Variants in NPTN observed in about 807,000 individuals in gnomAD.
NPTN encodes neuroplastin.
A neutral mutation model predicts 42.7 loss-of-function variants in NPTN; 5 were observed. That is an observed-to-expected ratio of 0.12 (90% CI 0.06 to 0.25). The LOEUF (loss-of-function observed/expected upper bound fraction) is 0.25, where lower values mean the gene tolerates loss of function less well. NPTN is among the 10% of genes least tolerant of loss of function. The probability of loss-of-function intolerance (pLI) is 1.00; values close to 1 mark genes in which losing one functional copy is unlikely to be tolerated. For synonymous variants in NPTN, 180 were observed against 201.9 expected (o/e 0.89, Z 0.92); for missense variants, 307 against 525.4 (o/e 0.58, Z 4.06).
At chr15:73,577,163 A>G (rs1895743109) in intron 4 of NPTN, among the ~76,000 whole-genome samples, 1 of 152,200 alleles carries the variant, frequency 6.6e-6, no homozygotes, top group Admixed American at 6.5e-5. Context: ...GTAAAACTAT[A>G]GATGAGAGTA....
At chr15:73,563,012 T>C (rs1451942814) in intron 7 of NPTN, among the ~76,000 whole-genome samples, 2 of 152,098 alleles carry the variant, frequency 1.3e-5, no homozygotes, top group East Asian at 3.9e-4. Context: ...GTTTTTTGCA[T>C]GGTATTCCAC....
At chr15:73,630,743 T>C (rs536632490) in intron 1 of NPTN, among the ~76,000 whole-genome samples, 1 of 152,252 alleles carries the variant, frequency 6.6e-6, no homozygotes, top group African/African-American at 2.4e-5. Flanking sequence ...TTCAACATCA[T>C]GCACAAGCAA....
chr15:73,631,435 G>A (rs1311485674), intron 1 of NPTN, among the ~76,000 whole-genome samples: 1 of 152,166 alleles, frequency 6.6e-6, no homozygotes, highest in Admixed American at 6.5e-5. Context: ...CCTGACCCCT[G>A]CAGTGATATC....
intron 6 of NPTN, chr15:73,568,495 A>G: frequency 1.0e-6 from 1 of 985,376 alleles, no homozygotes. Flanking sequence ...AGCTGAAAAC[A>G]CACGAAAGAC....
intron 4 of NPTN, among the ~76,000 whole-genome samples, chr15:73,584,967 T>C: frequency 6.6e-6 from 1 of 152,142 alleles, no homozygotes; most frequent in East Asian, 1.9e-4. Flanking sequence ...TTTTCTTTTG[T>C]AGACCACAGA....
At chr15:73,563,003 T>G (rs1331096498) in intron 7 of NPTN, among the ~76,000 whole-genome samples, 3 of 150,966 alleles carry the variant, frequency 2.0e-5, no homozygotes, top group Non-Finnish European at 4.4e-5. Flanking sequence ...AAAAAAAAAG[T>G]TTTTTGCATG....
chr15:73,563,428 T>C, intron 6 of NPTN, 171 bp from the exon 7 acceptor site: 2 of 1,392,902 alleles, frequency 1.4e-6, no homozygotes, highest in Non-Finnish European at 1.9e-6. Context: ...ACTCATGGAG[T>C]TATTATTTCT....
intron 1 of NPTN, among the ~76,000 whole-genome samples, chr15:73,624,003 C>T (rs937626287): frequency 6.6e-6 from 1 of 152,180 alleles, no homozygotes; most frequent in Non-Finnish European, 1.5e-5. Context: ...CTGCCTAATT[C>T]CCTTACTTCA....
Position 73,569,109 on chromosome 15 carries a change from G to A in NPTN, c.1114+1041C>T. The A allele has an allele frequency of 6.1e-6, 6 of 985,752 alleles. No homozygotes were observed. Among genetic ancestry groups the A allele is most frequent in the Non-Finnish European group, 7.2e-6 (6 of 830,194 alleles). The allele number at this position is 985,752 out of a possible 1,614,324, so 61.1% of individuals were successfully genotyped here. On this transcript the variant is annotated intron_variant, in intron 6 of 8. Transcript: ENST00000345330. This position sits in a 1 kb window ranked among gnomAD's most constrained non-coding sequence, Gnocchi z 4.1. ...GGCAACCCCACCATCACCCCGGGTA[G>A]GCTACCACTGAGCCCAGGGGCACAC...
At chr15:73,586,843 C>T (rs1351041638) in intron 4 of NPTN, among the ~76,000 whole-genome samples, 1 of 152,168 alleles carries the variant, frequency 6.6e-6, no homozygotes, top group Non-Finnish European at 1.5e-5. Flanking sequence ...CTAGCTCTGC[C>T]ACAAACTCAC....
rs555182770 is a variant in NPTN, at chr15:73,584,489, C to A, written c.706+3035G>T. On this transcript the variant is annotated intron_variant, in intron 4 of 8. Transcript: ENST00000345330. ...GGGGTAGAAAATTTCAACATCTATTCATTCATGTATTCTCTGTAAGGTGTG... is the reference window on the plus strand; with the variant it reads ...GGGGTAGAAAATTTCAACATCTATTAATTCATGTATTCTCTGTAAGGTGTG... 1.3e-4 allele frequency among the ~76,000 whole-genome samples: 20 copies of A among 152,130 alleles called. No individual in the cohort carries two copies. In the East Asian group the frequency reaches 3.7e-3, roughly 28 times the overall value.
intron 1 of NPTN, among the ~76,000 whole-genome samples, chr15:73,605,114 A>AGG (rs1566980548): frequency 3.7e-4 from 52 of 140,540 alleles, no homozygotes; most frequent in African/African-American, 1.4e-3. Flanking sequence ...GGGGGGGGAA[A>AGG]AGAATGATCT....
Position 73,633,210 on chromosome 15 carries a change from C to A in NPTN, c.6G>T (p.Ser2=), listed in dbSNP as rs1427414917. Residue 2 remains serine, a synonymous_variant, in exon 1 of 9, where the codon TCG becomes TCT. Transcript: ENST00000345330. The part of the protein sequence containing the change: M[S]GSSLPSALAL... ...CCAGGGCGCTGGGCAGCGACGAACC[C>A]GACATCCTCCCTAGCAGAAGACCCA... The A allele has an allele frequency of 4.6e-6, 7 of 1,528,208 alleles. No homozygotes were observed. The highest frequency in any genetic ancestry group is 6.1e-6 in the Non-Finnish European group (7 of 1,142,688). The allele number at this position is 1,528,208 out of a possible 1,614,324, so 94.7% of individuals were successfully genotyped here. A position where few individuals can be genotyped will look rare whatever the true frequency, so the allele number is the denominator to read the frequency against.
intron 4 of NPTN, among the ~76,000 whole-genome samples, chr15:73,583,055 A>G (rs1203395316): frequency 6.6e-6 from 1 of 152,190 alleles, no homozygotes; most frequent in Non-Finnish European, 1.5e-5. Context: ...CCCTCTAGGA[A>G]ACACTAATAC....
intron 4 of NPTN, among the ~76,000 whole-genome samples, chr15:73,582,914 G>GAA (rs1390517210): frequency 2.6e-5 from 4 of 152,174 alleles, no homozygotes; most frequent in African/African-American, 7.2e-5. Flanking sequence ...CGGACTCCAA[G>GAA]TTCTTCAGTT....
chr15:73,578,126 TA>T (rs1252122019), intron 4 of NPTN, among the ~76,000 whole-genome samples: 2 of 151,752 alleles, frequency 1.3e-5, no homozygotes, highest in Non-Finnish European at 2.9e-5. Flanking sequence ...GAGCAGGAAA[TA>T]AAAGAAATCA....
intron 1 of NPTN, among the ~76,000 whole-genome samples, chr15:73,610,985 G>T (rs1193053366): frequency 6.6e-6 from 1 of 152,164 alleles, no homozygotes; most frequent in Admixed American, 6.6e-5. Context: ...CTTGAAAAAT[G>T]AGACAAATTT....
chr15:73,594,143 A>G (rs1896724378), intron 2 of NPTN, among the ~76,000 whole-genome samples: 1 of 152,236 alleles, frequency 6.6e-6, no homozygotes, highest in East Asian at 1.9e-4. Flanking sequence ...TTAGGTTTTT[A>G]CTTAATTTTT....
intron 1 of NPTN, among the ~76,000 whole-genome samples, chr15:73,598,918 A>G (rs1292493253): frequency 2.0e-5 from 3 of 152,236 alleles, no homozygotes; most frequent in Non-Finnish European, 4.4e-5. Flanking sequence ...CCATGGACTA[A>G]GAACATTAAT....
Sources: allele counts gnomAD v4.1 joint callset (sites outside exome capture counted in the v4.1 genomes callset), GRCh38; gene constraint gnomAD v4.1.1; non-coding constraint Gnocchi (gnomAD v3.1); transcripts MANE v1.5; gene names NCBI Gene and HGNC (gene_info 2026-07-23, HGNC 2026-07-21).